The following PTPRN2 variants were observed in gnomAD, a reference collection of about 807,000 sequenced individuals.
PTPRN2 encodes the protein protein tyrosine phosphatase receptor type N2.
In PTPRN2, 74 loss-of-function variants were observed where a neutral mutation model predicts 118.8. The ratio of observed to expected loss-of-function variants is 0.62; its 90% CI spans 0.52 to 0.76. PTPRN2 has a LOEUF of 0.76. PTPRN2 is among the 30% of genes least tolerant of loss of function. The pLI, the probability that PTPRN2 is intolerant of heterozygous loss-of-function variation, is 0.00. For synonymous variants in PTPRN2, 641 were observed against 608.0 expected (o/e 1.05, Z -0.80); for missense variants, 1,481 against 1,394.4 (o/e 1.06, Z -0.99).
rs1318095797 is a variant in PTPRN2 at position 157,539,928 on chromosome 7, G to A, written c.*786C>T. ...TTATCTCACAGGTAAGCATTCACGG[G>A]GGCATCTGTTTTCATAACGTAGAAA... On this transcript the variant is annotated 3_prime_UTR_variant, in exon 23 of 23. Coordinates refer to ENST00000389418, the MANE Select transcript of PTPRN2 (RefSeq NM_002847.5). 1 of 152,216 alleles carries A rather than the reference G, an allele frequency of 6.6e-6. No homozygotes were observed. Among genetic ancestry groups the A allele is most frequent in the Non-Finnish European group, 1.5e-5 (1 of 68,040 alleles). 9.4% of individuals were successfully genotyped at this position (152,216 alleles called of 1,614,324 possible).
At chr7:158,421,329 G>A (rs1282754271) in intron 2 of PTPRN2, among the ~76,000 whole-genome samples, 1 of 152,216 alleles carries the variant, frequency 6.6e-6, no homozygotes, top group Non-Finnish European at 1.5e-5. Context: ...GGCTGAGTTT[G>A]TTTCTTGGAG....
chr7:158,479,387 C>T (rs763438061), intron 2 of PTPRN2, among the ~76,000 whole-genome samples: 3 of 152,128 alleles, frequency 2.0e-5, no homozygotes, highest in African/African-American at 2.4e-5. Context: ...CTGACTAAAG[C>T]CTTCTTGAAG....
intron 1 of PTPRN2, among the ~76,000 whole-genome samples, chr7:158,500,520 A>C (rs923206453): frequency 1.3e-5 from 2 of 152,260 alleles, no homozygotes; most frequent in African/African-American, 4.8e-5. Flanking sequence ...GGTCGTTAAC[A>C]AAACCAGGCT....
chr7:158,314,558 G>A (rs562735176), intron 3 of PTPRN2, among the ~76,000 whole-genome samples: 2 of 152,398 alleles, frequency 1.3e-5, no homozygotes, highest in South Asian at 4.1e-4. Context: ...CACATATGGA[G>A]CAGGAGCTGG....
At position 157,974,615 on chromosome 7, in the gene PTPRN2, T is replaced by A. The variant is rs1037982680; in HGVS notation, c.1724-75878A>T. Among the ~76,000 whole-genome samples the A allele has an allele frequency of 7.4e-6, 1 of 134,264 alleles. No homozygotes were observed. The highest frequency in any genetic ancestry group is 1.6e-5 in the Non-Finnish European group (1 of 63,664). 88.1% of individuals were successfully genotyped at this position (134,264 alleles called of 152,430 possible). On this transcript the variant is annotated intron_variant, in intron 11 of 22. Transcript: ENST00000389418. The surrounding 1 kb of genome is among the most constrained non-coding windows in gnomAD (Gnocchi z 4.0). ...GGGTGGGACCTCAGACCTCAGCGGGTGATGGCAGTGGGAGCCTGGGCAGGG... is the reference window on the plus strand; with the variant it reads ...GGGTGGGACCTCAGACCTCAGCGGGAGATGGCAGTGGGAGCCTGGGCAGGG...
At chr7:158,206,570 G>T (rs1029486535) in intron 3 of PTPRN2, among the ~76,000 whole-genome samples, 1 of 152,074 alleles carries the variant, frequency 6.6e-6, no homozygotes, top group Non-Finnish European at 1.5e-5. Context: ...TCGGGGAGGG[G>T]GGGAGAGAGA....
intron 11 of PTPRN2, among the ~76,000 whole-genome samples, chr7:158,065,373 C>T (rs1303277272): frequency 3.9e-5 from 6 of 152,174 alleles, no homozygotes; most frequent in African/African-American, 7.2e-5. Flanking sequence ...TAAGGTCTAC[C>T]GAAGACTTAC....
At chr7:158,363,192 G>A (rs185592239) in intron 2 of PTPRN2, among the ~76,000 whole-genome samples, 29 of 152,284 alleles carry the variant, frequency 1.9e-4, no homozygotes, top group East Asian at 1.5e-3. Flanking sequence ...GCAAGGGGAG[G>A]ACACTAGGGA....
intron 1 of PTPRN2, among the ~76,000 whole-genome samples, chr7:158,542,245 G>A (rs1586909025): frequency 6.6e-6 from 1 of 152,220 alleles, no homozygotes; most frequent in Non-Finnish European, 1.5e-5. Context: ...CCGCCTCCCA[G>A]GTTCAAGCAA....
At chr7:158,100,660 G>T (rs1407619331) in intron 10 of PTPRN2, among the ~76,000 whole-genome samples, 2 of 152,128 alleles carry the variant, frequency 1.3e-5, no homozygotes, top group Non-Finnish European at 1.5e-5. Flanking sequence ...TAGTGATGTT[G>T]GGCATTTTTT....
chr7:158,499,182 A>G (rs1822175158), intron 1 of PTPRN2, among the ~76,000 whole-genome samples: 1 of 152,158 alleles, frequency 6.6e-6, no homozygotes, highest in African/African-American at 2.4e-5. Flanking sequence ...CATCATCATC[A>G]TCATGGAAAC....
chr7:157,715,296 G>C (rs1400672037), intron 12 of PTPRN2, among the ~76,000 whole-genome samples: 1 of 152,178 alleles, frequency 6.6e-6, no homozygotes, highest in Admixed American at 6.5e-5. Context: ...GAGACAGGCC[G>C]GCGGCCGCGG....
At chr7:157,971,699 G>T (rs1047153771) in intron 11 of PTPRN2, among the ~76,000 whole-genome samples, 3 of 151,856 alleles carry the variant, frequency 2.0e-5, no homozygotes, top group Non-Finnish European at 2.9e-5. Context: ...GGGAAAGAAA[G>T]AAAGAAAAAA....
chr7:158,454,955 G>A lies in PTPRN2; in HGVS notation c.163+34780C>T, dbSNP rs1338704345. On this transcript the variant is annotated intron_variant, in intron 2 of 22. Transcript: ENST00000389418. ...CCCCTCGAAATGTGTTTGTCAGGCT[G>A]CCTCCACGCAGCCCACAGGCATGGA... Among the ~76,000 whole-genome samples the A allele has an allele frequency of 3.3e-5, 5 of 152,126 alleles. No individual in the cohort carries two copies. In the East Asian group the frequency reaches 9.6e-4, roughly 29 times the overall value.
chr7:158,167,270 T>C lies in PTPRN2; in HGVS notation c.571A>G (p.Ser191Gly), dbSNP rs757539199. ...GTGTGGGCCACATAGGTCAGGATGC[T>C]CTCGGAGAAGCGGTCATCACCCTGA... ...PAEGDDRFSE[S>G]ILTYVAHTSA... Residue 191 changes from serine to glycine, a missense_variant, in exon 6 of 23, where the codon AGC becomes GGC. By Grantham distance (56) the Ser-to-Gly change is moderately conservative. Around this residue, in one of 3 missense-constraint regions of PTPRN2, gnomAD observed 1,115 missense variants for 994.2 expected, o/e 1.12. Transcript: ENST00000389418. The C allele has an allele frequency of 8.1e-6, 13 of 1,604,070 alleles. No homozygotes were observed. In the East Asian group the frequency reaches 2.5e-4, roughly 30 times the overall value.
intron 12 of PTPRN2, among the ~76,000 whole-genome samples, chr7:157,839,729 ACTGTGTGG>A (rs1225681473): frequency 6.7e-6 from 1 of 149,664 alleles, no homozygotes; most frequent in Non-Finnish European, 1.5e-5. Context: ...TGACTGTGTG[ACTGTGTGG>A]CTGTGTGAAG....
intron 5 of PTPRN2, among the ~76,000 whole-genome samples, chr7:158,180,487 G>A (rs1323475920): frequency 1.3e-5 from 2 of 151,920 alleles, no homozygotes; most frequent in African/African-American, 4.8e-5. Flanking sequence ...TGAAAATAAT[G>A]TTGGTATTTT....
intron 2 of PTPRN2, among the ~76,000 whole-genome samples, chr7:158,419,153 G>A (rs545357788): frequency 6.6e-6 from 1 of 152,330 alleles, no homozygotes. Context: ...TCAGGCAGCT[G>A]TGGTGTTGCC....
At chr7:157,698,913 G>T (rs1359418981) in intron 12 of PTPRN2, among the ~76,000 whole-genome samples, 2 of 152,180 alleles carry the variant, frequency 1.3e-5, no homozygotes, top group African/African-American at 2.4e-5. Context: ...TTGTAAGAAA[G>T]ACTCATTACC....
Sources: gnomAD v4.1 joint callset for allele counts (sites outside exome capture counted in the v4.1 genomes callset) on GRCh38, gnomAD v4.1.1 for gene constraint, gnomAD v4.1.1 regional missense constraint, Gnocchi (gnomAD v3.1) non-coding constraint, MANE v1.5 for transcripts, NCBI Gene and HGNC (gene_info 2026-07-23, HGNC 2026-07-21) for gene names.